BTBD9: variants seen among roughly 807,000 people sequenced by gnomAD.
The protein encoded by BTBD9 is BTB/POZ domain-containing protein 9.
BTBD9 carries 49 observed loss-of-function variants against 64.3 expected under a neutral mutation model. The observed-to-expected ratio is 0.76, with a 90% CI of 0.61 to 0.97. BTBD9 has a LOEUF of 0.97. BTBD9 is among the 50% of genes least tolerant of loss of function. The pLI is 0.00. For synonymous variants in BTBD9, 260 were observed against 274.7 expected, an observed-to-expected ratio of 0.95 and a Z score of 0.53; for missense variants, 598 against 762.1, an observed-to-expected ratio of 0.78 and a Z score of 2.53.
intron 10 of BTBD9, chr6:38,179,901 T>C: frequency 6.7e-6 from 3 of 445,190 alleles, no homozygotes; most frequent in South Asian, 3.2e-5. Context: ...GGGGAGCTGC[T>C]TTCCAGGCAA....
intron 9 of BTBD9, among the ~76,000 whole-genome samples, chr6:38,244,420 G>A (rs1468843965): frequency 1.3e-5 from 2 of 152,066 alleles, no homozygotes; most frequent in Non-Finnish European, 2.9e-5. Flanking sequence ...GCTGGGAGAG[G>A]TACATGTGAT....
Position 38,435,739 on chromosome 6 carries a change from G to T in BTBD9, c.1155-90646C>A, listed in dbSNP as rs557929502. 4.0e-5 allele frequency among the ~76,000 whole-genome samples: 6 copies of T among 150,394 alleles called. No individual in the cohort carries two copies. The East Asian group carries it at 1.2e-3, about 30-fold the overall frequency. On this transcript the variant is annotated intron_variant, in intron 6 of 10. Coordinates refer to ENST00000481247, the MANE Select transcript of BTBD9 (RefSeq NM_001099272.2). ...GCCGGAGTGCAGTGGCGTGATCTTG[G>T]CTCACTGCAACCTCCACCTTCTGGG...
At chr6:38,367,799 C>CAAAAAAAAAAAAAAAAAAAAAAA (rs575025737) in intron 6 of BTBD9, among the ~76,000 whole-genome samples, 1 of 84,296 alleles carries the variant, frequency 1.2e-5, no homozygotes, top group Admixed American at 1.4e-4. Context: ...CCAGAAATGG[C>CAAAAAAAAAAAAAAAAAAAAAAA]AAAAAAAAAA....
At chr6:38,442,957 C>T (rs919940303) in intron 6 of BTBD9, among the ~76,000 whole-genome samples, 2 of 151,826 alleles carry the variant, frequency 1.3e-5, no homozygotes, top group South Asian at 2.1e-4. Flanking sequence ...TGTGAGCCAC[C>T]GCGCTTGGCC....
chr6:38,447,521 G>A (rs996558815), intron 6 of BTBD9, among the ~76,000 whole-genome samples: 5 of 152,170 alleles, frequency 3.3e-5, no homozygotes, highest in African/African-American at 1.2e-4. Flanking sequence ...AGAAACAAGA[G>A]CTCTAACAGT....
chr6:38,477,129 G>A (rs1372046383), intron 6 of BTBD9, among the ~76,000 whole-genome samples: 1 of 152,190 alleles, frequency 6.6e-6, no homozygotes, highest in Non-Finnish European at 1.5e-5. Flanking sequence ...TCCTGAAATG[G>A]CATGAATTCC....
chr6:38,459,169 C>T (rs1769958210), intron 6 of BTBD9, among the ~76,000 whole-genome samples: 1 of 152,086 alleles, frequency 6.6e-6, no homozygotes, highest in South Asian at 2.1e-4. Flanking sequence ...CAGGTGCGCA[C>T]CACCACGCCT....
At chr6:38,526,521 G>A (rs919356184) in intron 6 of BTBD9, among the ~76,000 whole-genome samples, 1 of 152,212 alleles carries the variant, frequency 6.6e-6, no homozygotes, top group Non-Finnish European at 1.5e-5. Context: ...GAGGGCCACT[G>A]TCCTCCAGAC....
intron 6 of BTBD9, among the ~76,000 whole-genome samples, chr6:38,517,439 C>T (rs1013245128): frequency 3.3e-5 from 5 of 152,168 alleles, no homozygotes; most frequent in African/African-American, 9.7e-5. Context: ...CTCCCCCACC[C>T]GCTGCCTGGC....
chr6:38,521,474 A>G (rs1773269551), intron 6 of BTBD9, among the ~76,000 whole-genome samples: 1 of 152,204 alleles, frequency 6.6e-6, no homozygotes, highest in Admixed American at 6.5e-5. Flanking sequence ...CAGATTTCAG[A>G]ATATCTGCAT....
At chr6:38,309,291 C>T (rs1004876089) in intron 7 of BTBD9, among the ~76,000 whole-genome samples, 10 of 150,638 alleles carry the variant, frequency 6.6e-5, no homozygotes, top group Non-Finnish European at 1.3e-4. Flanking sequence ...AATTGCTTAA[C>T]CCAGGAGGCA....
At chr6:38,178,893 G>A (rs1582000462) in intron 10 of BTBD9, among the ~76,000 whole-genome samples, 3 of 151,932 alleles carry the variant, frequency 2.0e-5, no homozygotes, top group South Asian at 2.1e-4. Flanking sequence ...TCGCTCTGTC[G>A]CCAGGCTGGG....
intron 6 of BTBD9, among the ~76,000 whole-genome samples, chr6:38,429,901 G>A (rs991383207): frequency 1.3e-5 from 2 of 151,926 alleles, no homozygotes; most frequent in Non-Finnish European, 2.9e-5. Context: ...AATCAGATCT[G>A]AAAGTTCTCT....
At chr6:38,515,444 G>A (rs1772980806) in intron 6 of BTBD9, among the ~76,000 whole-genome samples, 1 of 152,104 alleles carries the variant, frequency 6.6e-6, no homozygotes, top group Admixed American at 6.5e-5. Flanking sequence ...CTTAAAACTG[G>A]CCTGGACTTT....
At chr6:38,404,524 T>G (rs1203594034) in intron 6 of BTBD9, among the ~76,000 whole-genome samples, 3 of 149,894 alleles carry the variant, frequency 2.0e-5, no homozygotes, top group Non-Finnish European at 4.4e-5. Flanking sequence ...ATTTGAAAAG[T>G]GAAAGCTTCC....
chr6:38,609,936 T>C (rs566689319), intron 1 of BTBD9, among the ~76,000 whole-genome samples: 56 of 152,330 alleles, frequency 3.7e-4, no homozygotes. Context: ...AAAGAACATA[T>C]TGGAACTATG....
intron 6 of BTBD9, among the ~76,000 whole-genome samples, chr6:38,410,938 A>C (rs556236855): frequency 6.6e-6 from 1 of 152,238 alleles, no homozygotes; most frequent in African/African-American, 2.4e-5. Context: ...GGTTCCCTGC[A>C]TGTATCTCCA....
At chr6:38,455,660 T>C (rs11963740) in intron 6 of BTBD9, among the ~76,000 whole-genome samples, 2,715 of 152,338 alleles carry the variant, frequency 0.018, 72 homozygotes, top group African/African-American at 0.061. Context: ...CACCCATTTA[T>C]GGATTGAAGG....
intron 8 of BTBD9, among the ~76,000 whole-genome samples, chr6:38,264,982 G>A (rs1764921978): frequency 1.3e-5 from 2 of 152,098 alleles, no homozygotes; most frequent in South Asian, 2.1e-4. Flanking sequence ...AATGGATTCT[G>A]GGGAAATGCA....
Sources: allele counts gnomAD v4.1 joint callset (sites outside exome capture counted in the v4.1 genomes callset), GRCh38; gene constraint gnomAD v4.1.1; transcripts MANE v1.5; gene names NCBI Gene and HGNC (gene_info 2026-07-23, HGNC 2026-07-21).